EAF2: variants seen among roughly 807,000 people sequenced by gnomAD.
EAF2 encodes the protein ELL-associated factor 2.
Under a neutral mutation model 29.4 loss-of-function variants are expected in EAF2, and 29 were observed. That is an observed-to-expected ratio of 0.99 (90% confidence interval 0.73 to 1.35). The LOEUF (loss-of-function observed/expected upper bound fraction) is 1.35, where lower values mean the gene tolerates loss of function less well. EAF2 is among the 40% of genes most tolerant of loss of function. EAF2 has a pLI of 0.00. For synonymous variants in EAF2, 103 were observed against 102.5 expected, an observed-to-expected ratio of 1.00 and a Z score of -0.03; for missense variants, 292 against 312.0, an observed-to-expected ratio of 0.94 and a Z score of 0.48.
intron 4 of EAF2, among the ~76,000 whole-genome samples, chr3:121,863,089 G>A (rs1708862101): frequency 1.3e-5 from 2 of 152,172 alleles, no homozygotes; most frequent in Non-Finnish European, 2.9e-5. Flanking sequence ...GGCTGTATGA[G>A]GTGTCAGTCA....
At chr3:121,853,258 G>C (rs1708663170) in intron 2 of EAF2, among the ~76,000 whole-genome samples, 1 of 151,974 alleles carries the variant, frequency 6.6e-6, no homozygotes, top group East Asian at 1.9e-4. Flanking sequence ...TTCGTCCATA[G>C]TCACAATTTT....
intron 2 of EAF2, 127 bp from the exon 3 acceptor site, chr3:121,854,560 T>C: frequency 1.5e-6 from 1 of 682,256 alleles, no homozygotes; most frequent in South Asian, 3.0e-5. Context: ...GGGTAGTAAA[T>C]TTAGGTAGTT....
intron 1 of EAF2, 69 bp downstream of exon 1, chr3:121,835,460 CT>C: frequency 7.1e-7 from 1 of 1,411,504 alleles, no homozygotes; most frequent in Middle Eastern, 2.2e-4. Flanking sequence ...ACAAACCCCT[CT>C]GGGTTTTGTT....
chr3:121,836,209 A>G (rs1404807092), intron 1 of EAF2: 1 of 152,218 alleles, frequency 6.6e-6, no homozygotes, highest in Non-Finnish European at 1.5e-5. Context: ...CGGGAAGGAA[A>G]CTTCAAGATC....
At chr3:121,875,741 G>C (rs1403683565) in intron 5 of EAF2, among the ~76,000 whole-genome samples, 2 of 151,722 alleles carry the variant, frequency 1.3e-5, no homozygotes, top group Non-Finnish European at 2.9e-5. Flanking sequence ...ACAATGCCAG[G>C]AAGAAATGAA....
chr3:121,861,024 G>A (rs1708820399), intron 4 of EAF2, among the ~76,000 whole-genome samples: 1 of 152,192 alleles, frequency 6.6e-6, no homozygotes, highest in African/African-American at 2.4e-5. Context: ...ATTGCACTGT[G>A]TTCTGAGAGA....
chr3:121,847,038 C>G (rs1210611713), intron 2 of EAF2, among the ~76,000 whole-genome samples: 2 of 152,098 alleles, frequency 1.3e-5, no homozygotes, highest in African/African-American at 4.8e-5. Context: ...TTTCCACAAG[C>G]CCCCACAGAT....
chr3:121,846,239 G>A (rs969721375), intron 2 of EAF2, among the ~76,000 whole-genome samples: 9 of 152,084 alleles, frequency 5.9e-5, no homozygotes, highest in African/African-American at 2.2e-4. Context: ...CCACTATTAT[G>A]TCAGACTGTG....
chr3:121,883,061 A>G (rs1317209369), intron 5 of EAF2, among the ~76,000 whole-genome samples: 1 of 152,142 alleles, frequency 6.6e-6, no homozygotes, highest in African/African-American at 2.4e-5. Context: ...ATTTATAATA[A>G]TATGTGTTCT....
chr3:121,835,740 T>G (rs1470388602), intron 1 of EAF2, among the ~76,000 whole-genome samples: 1 of 152,140 alleles, frequency 6.6e-6, no homozygotes, highest in Non-Finnish European at 1.5e-5. Flanking sequence ...GGGAAGGGAC[T>G]AAGGACCGAA....
intron 4 of EAF2, among the ~76,000 whole-genome samples, chr3:121,868,308 A>G (rs1385329216): frequency 6.6e-6 from 1 of 152,194 alleles, no homozygotes; most frequent in Non-Finnish European, 1.5e-5. Flanking sequence ...ATGACTTAAG[A>G]GCAAAATAGG....
At chr3:121,862,606 T>C (rs1289998766) in intron 4 of EAF2, among the ~76,000 whole-genome samples, 2 of 152,272 alleles carry the variant, frequency 1.3e-5, no homozygotes, top group Admixed American at 1.3e-4. Flanking sequence ...TTCTTTGCGA[T>C]GGGTTCGAAC....
chr3:121,863,829 C>T (rs556422558), intron 4 of EAF2, among the ~76,000 whole-genome samples: 1 of 152,082 alleles, frequency 6.6e-6, no homozygotes, highest in African/African-American at 2.4e-5. Context: ...ATCTTGGAAC[C>T]TCCCCTTGTA....
At chr3:121,846,524 T>A (rs1169686477) in intron 2 of EAF2, among the ~76,000 whole-genome samples, 1 of 152,154 alleles carries the variant, frequency 6.6e-6, no homozygotes, top group Non-Finnish European at 1.5e-5. Context: ...CCACTGAATT[T>A]TAAGAGGTTA....
chr3:121,881,251 C>T (rs972756772), intron 5 of EAF2, among the ~76,000 whole-genome samples: 10 of 152,274 alleles, frequency 6.6e-5, no homozygotes, highest in Admixed American at 4.6e-4. Context: ...GAATTCTCAC[C>T]TCTTCAGTTT....
In EAF2 at chr3:121,849,921, G is replaced by GAT. The variant is rs112072754; in HGVS notation, c.202-4753_202-4752dup. On this transcript the variant is annotated intron_variant, in intron 2 of 5. Transcript: ENST00000273668. The stretch of plus-strand genomic sequence containing the variant: ...TTTAAGCTTAAGTGCCTACTTCTCT[G>GAT]ATATATATATATATGTATGTATATA... 1.7e-3 allele frequency among the ~76,000 whole-genome samples: 228 copies of GAT among 130,894 alleles called. 1 individual carries two copies. The highest frequency in any genetic ancestry group is 4.0e-3 in the African/African-American group (145 of 35,874). The allele number at this position is 130,894 out of a possible 152,430, so 85.9% of individuals were successfully genotyped here. A position where few individuals can be genotyped will look rare whatever the true frequency, so the allele number is the denominator to read the frequency against.
rs1708704791 is a variant in EAF2 at position 121,855,565 on chromosome 3, C to T, written c.338+742C>T. Among the ~76,000 whole-genome samples, 3 of 152,304 alleles carry T rather than the reference C, an allele frequency of 2.0e-5. No individual in the cohort carries two copies. The South Asian group carries it at 6.2e-4, about 32-fold the overall frequency. On this transcript the variant is annotated intron_variant, in intron 3 of 5. Transcript: ENST00000273668. ...GAAACTCTATTTTTTAATATCCCCT[C>T]ACCCCTACCATCCATGCCCTGCTGT... is the stretch of plus-strand genomic sequence containing the variant.
At chr3:121,848,750 G>A (rs1411791547) in intron 2 of EAF2, among the ~76,000 whole-genome samples, 1 of 152,104 alleles carries the variant, frequency 6.6e-6, no homozygotes, top group Non-Finnish European at 1.5e-5. Flanking sequence ...CACACACACA[G>A]GATCTAGAAG....
chr3:121,854,252 G>T (rs1708680056), intron 2 of EAF2, among the ~76,000 whole-genome samples: 2 of 145,908 alleles, frequency 1.4e-5, no homozygotes, highest in African/African-American at 2.5e-5. Flanking sequence ...GGAGGTGGAG[G>T]TTGCAGTGAG....
Sources: allele counts gnomAD v4.1 joint callset (sites outside exome capture counted in the v4.1 genomes callset), GRCh38; gene constraint gnomAD v4.1.1; transcripts MANE v1.5; gene names NCBI Gene and HGNC (gene_info 2026-07-23, HGNC 2026-07-21).